The following TLE2 variants were observed in gnomAD, a reference collection of about 807,000 sequenced individuals.
TLE2 encodes TLE family member 2, transcriptional corepressor, also known as transducin-like enhancer protein 2.
TLE2 carries 74 observed loss-of-function variants against 97.2 expected under a neutral mutation model. The ratio of observed to expected loss-of-function variants is 0.76; its 90% CI spans 0.63 to 0.92. The LOEUF (loss-of-function observed/expected upper bound fraction) is 0.92, where lower values mean the gene tolerates loss of function less well. TLE2 is among the 40% of genes least tolerant of loss of function. The pLI, the probability that TLE2 is intolerant of heterozygous loss-of-function variation, is 0.00. For missense variants in TLE2, 1,038 were observed against 1,008.7 expected, an observed-to-expected ratio of 1.03 and a Z score of -0.39; for synonymous variants, 499 against 432.1, an observed-to-expected ratio of 1.15 and a Z score of -1.92.
intron 11 of TLE2, among the ~76,000 whole-genome samples, chr19:3,013,340 A>T (rs1599216317): frequency 2.6e-5 from 4 of 152,182 alleles, no homozygotes; most frequent in African/African-American, 9.6e-5. Flanking sequence ...GCCTGAGTCC[A>T]GCCTAGCTGG....
chr19:3,041,014 T>TGTATATATATATATATATATATATA (rs55998855), intron 1 of TLE2, among the ~76,000 whole-genome samples: 1 of 20,166 alleles, frequency 5.0e-5, no homozygotes, highest in Non-Finnish European at 8.4e-5. Context: ...TATATATATA[T>TGTATATATATATATATATATATATA]TTTTTTTTTT....
At chr19:3,013,858 G>C (rs1376624306) in intron 10 of TLE2, 40 bp from the exon 11 acceptor site, 1 of 1,455,112 alleles carries the variant, frequency 6.9e-7, no homozygotes, top group Non-Finnish European at 9.1e-7. Context: ...GTTGAAATGA[G>C]AGGGAAAGAA....
intron 17 of TLE2, among the ~76,000 whole-genome samples, chr19:3,004,059 C>G (rs563953218): frequency 1.3e-5 from 2 of 152,272 alleles, no homozygotes; most frequent in Admixed American, 1.3e-4. Flanking sequence ...TAAGCACAAA[C>G]AGGAATCAGG....
At chr19:3,001,326 A>T (rs1255540147) in intron 18 of TLE2, among the ~76,000 whole-genome samples, 1 of 151,444 alleles carries the variant, frequency 6.6e-6, no homozygotes, top group African/African-American at 2.4e-5. Flanking sequence ...TGCTGCCCAG[A>T]CTGGTCTCAA....
chr19:3,029,441 A>C, upstream of TLE2: 1 of 941,898 alleles, frequency 1.1e-6, no homozygotes, highest in Non-Finnish European at 1.3e-6. Context: ...CGTTGGGGAA[A>C]CTGAGGCCGG....
intron 5 of TLE2, among the ~76,000 whole-genome samples, chr19:3,021,983 A>G (rs2089853504): frequency 6.6e-6 from 1 of 152,074 alleles, no homozygotes; most frequent in Non-Finnish European, 1.5e-5. Context: ...GAGTGGGAGG[A>G]TTACGCTAGT....
At chr19:3,036,906 G>T (rs1401294120) in intron 1 of TLE2, among the ~76,000 whole-genome samples, 1 of 152,188 alleles carries the variant, frequency 6.6e-6, no homozygotes, top group East Asian at 1.9e-4. Context: ...AGAGCTGGGG[G>T]TGGGAGTGGG....
At position 3,008,851 on chromosome 19, in the gene TLE2, C is replaced by A; in HGVS notation, c.1250+18G>T. ...CTGGCCCGGGACCCCAGGCAGGGAG[C>A]CCCACCCTGGTACTCACGGCTTTCC... On this transcript the variant is annotated intron_variant, in intron 14 of 19. Transcript: ENST00000262953. 6.5e-7 allele frequency: 1 copy of A among 1,538,822 alleles called. No individual in the cohort carries two copies. The highest frequency in any genetic ancestry group is 1.2e-5 in the South Asian group (1 of 81,188).
At position 3,021,121 on chromosome 19, in the gene TLE2, G is replaced by A. The variant is rs1050869858; in HGVS notation, c.295-1348C>T. 1.5e-5 allele frequency among the ~76,000 whole-genome samples: 2 copies of A among 134,616 alleles called. 1 individual carries two copies. The highest frequency in any genetic ancestry group is 1.6e-4 in the Admixed American group (2 of 12,262). 88.3% of individuals were successfully genotyped at this position (134,616 alleles called of 152,430 possible). On this transcript the variant is annotated intron_variant, in intron 5 of 19. Coordinates refer to ENST00000262953, the MANE Select transcript of TLE2 (RefSeq NM_003260.5). ...AAAAAAAAAAAAAAAAAAAGGGGGG[G>A]GGGTGCTGAGCGTGGTGACTCACAC...
intron 18 of TLE2, among the ~76,000 whole-genome samples, chr19:3,002,092 C>T (rs1790686557): frequency 6.6e-6 from 1 of 152,076 alleles, no homozygotes; most frequent in South Asian, 2.1e-4. Flanking sequence ...GCTACCACAC[C>T]CAGCCTTAAA....
chr19:3,026,852 G>C (rs2089954441), intron 4 of TLE2, among the ~76,000 whole-genome samples: 1 of 151,784 alleles, frequency 6.6e-6, no homozygotes, highest in African/African-American at 2.4e-5. Context: ...TCAGAACCTT[G>C]AGGTCTATCT....
rs931308797 is a variant in TLE2 at position 3,019,102 on chromosome 19, T to C, written c.550+181A>G. Among the ~76,000 whole-genome samples the C allele has an allele frequency of 1.3e-5, 2 of 152,162 alleles. No homozygotes were observed. The highest frequency in any genetic ancestry group is 4.8e-5 in the African/African-American group (2 of 41,426). ...TTGTAGAGACGGGGTCTCGCTCTGT[T>C]GCCCAGGCTGGTCATGAACTCCTGG... On this transcript the variant is annotated intron_variant, in intron 7 of 19. Coordinates refer to ENST00000262953, the MANE Select transcript of TLE2 (RefSeq NM_003260.5). This position sits in a 1 kb window ranked among gnomAD's most constrained non-coding sequence, Gnocchi z 5.1.
chr19:3,020,160 C>T (rs1203798668), intron 5 of TLE2: 10 of 201,002 alleles, frequency 5.0e-5, no homozygotes, highest in South Asian at 1.9e-4. Context: ...CGCTTGAACC[C>T]GGGAGGTGGA....
In TLE2 at chr19:3,026,868, CTCTGAGGTCTATCTCTGA is replaced by C. The variant is rs1568249840; in HGVS notation, c.231+943_231+960del. 5.3e-4 allele frequency among the ~76,000 whole-genome samples: 81 copies of C among 152,184 alleles called. 1 individual carries two copies. Among genetic ancestry groups the C allele is most frequent in the Admixed American group, 4.4e-3 (68 of 15,302 alleles). On this transcript the variant is annotated intron_variant, in intron 4 of 19. Transcript: ENST00000262953. The stretch of plus-strand genomic sequence containing the variant: ...CAGAACCTTGAGGTCTATCTCAGAA[CTCTGAGGTCTATCTCTGA>C]CCCTTGAGGTCTATCTCTGAACCCT...
Position 3,017,820 on chromosome 19 carries a change from C to T in TLE2, c.570+20G>A, listed in dbSNP as rs1180170749. On this transcript the variant is annotated intron_variant, in intron 8 of 19. Coordinates refer to ENST00000262953, the MANE Select transcript of TLE2 (RefSeq NM_003260.5). ...GCCTCCCAAGAATATAAAAAGAGTC[C>T]CAGGGTGCCACTCACTTACCCTGCT... The T allele has an allele frequency of 6.2e-7, 1 of 1,610,186 alleles. No individual in the cohort carries two copies. The highest frequency in any genetic ancestry group is 2.2e-5 in the East Asian group (1 of 44,580).
At position 3,001,922 on chromosome 19, in the gene TLE2, C is replaced by A. The variant is rs538966150; in HGVS notation, c.2047+431G>T. On this transcript the variant is annotated intron_variant, in intron 18 of 19. Coordinates refer to ENST00000262953, the MANE Select transcript of TLE2 (RefSeq NM_003260.5). The stretch of plus-strand genomic sequence containing the variant: ...AGGCAATTCTCCTGCCTCAACCTCC[C>A]AAGTAGCTGGGATTACAGGCGCCCA... Among the ~76,000 whole-genome samples the A allele has an allele frequency of 3.3e-5, 5 of 151,442 alleles. No individual in the cohort carries two copies. The East Asian group carries it at 9.8e-4, about 30-fold the overall frequency.
intron 1 of TLE2, among the ~76,000 whole-genome samples, chr19:3,036,101 T>C (rs1010203920): frequency 1.1e-4 from 16 of 152,100 alleles, no homozygotes; most frequent in African/African-American, 3.4e-4. Context: ...GCTGAAGCTC[T>C]TACCCGAGCC....
At chr19:3,040,350 GTTTT>G (rs147053625) in intron 1 of TLE2, among the ~76,000 whole-genome samples, 3 of 150,256 alleles carry the variant, frequency 2.0e-5, no homozygotes, top group Admixed American at 6.6e-5. Flanking sequence ...ACGTTTGTTT[GTTTT>G]TTTTTTAAGA....
At position 3,028,307 on chromosome 19, in the gene TLE2, A is replaced by AT; in HGVS notation, c.186+11_186+12insA. 1 of 1,604,952 alleles carries AT rather than the reference A, an allele frequency of 6.2e-7. No individual in the cohort carries two copies. The highest frequency in any genetic ancestry group is 8.5e-7 in the Non-Finnish European group (1 of 1,175,642). On this transcript the variant is annotated intron_variant, in intron 3 of 19. Transcript: ENST00000262953. ...GCCTCTCCCCTCACCCTGGCATCAT[A>AT]AGTGCCCTCACCATGACATAATGTC...
Sources: gnomAD v4.1 joint callset for allele counts (sites outside exome capture counted in the v4.1 genomes callset) on GRCh38, gnomAD v4.1.1 for gene constraint, Gnocchi (gnomAD v3.1) non-coding constraint, MANE v1.5 for transcripts, NCBI Gene and HGNC (gene_info 2026-07-23, HGNC 2026-07-21) for gene names.